The following PPP1R9A variants were observed in gnomAD, a reference collection of about 807,000 sequenced individuals.
PPP1R9A encodes protein phosphatase 1 regulatory subunit 9A.
A neutral mutation model predicts 141.9 loss-of-function variants in PPP1R9A; 59 were observed. That is an observed-to-expected ratio of 0.42 (90% confidence interval 0.34 to 0.52). The LOEUF is 0.52. Ranked by LOEUF, PPP1R9A falls within the 20% of genes least tolerant of loss-of-function variation. The probability of loss-of-function intolerance (pLI) is 0.10; values close to 1 mark genes in which losing one functional copy is unlikely to be tolerated. For synonymous variants in PPP1R9A, 500 were observed against 569.7 expected, an observed-to-expected ratio of 0.88 and a Z score of 1.74; for missense variants, 1,444 against 1,611.9, an observed-to-expected ratio of 0.90 and a Z score of 1.78.
intron 7 of PPP1R9A, among the ~76,000 whole-genome samples, chr7:95,217,947 G>C (rs1158744924): frequency 6.6e-6 from 1 of 152,014 alleles, no homozygotes; most frequent in African/African-American, 2.4e-5. Context: ...ATTTTTTGAA[G>C]GGTTTTTTGT....
rs187242445 is a variant in PPP1R9A, at chr7:95,016,940, G to A, written c.1396-94319G>A. Among the ~76,000 whole-genome samples, 32 of 152,256 alleles carry A rather than the reference G, an allele frequency of 2.1e-4. No homozygotes were observed. In the East Asian group the frequency reaches 6.0e-3, roughly 28 times the overall value. On this transcript the variant is annotated intron_variant, in intron 2 of 19. Transcript: ENST00000433360. ...CTTTGCAATGTAATCAAGTTAAAAT[G>A]AGGCCATGCTGATTTAGGGTGGGTC...
intron 2 of PPP1R9A, among the ~76,000 whole-genome samples, chr7:94,932,454 G>A (rs1794271505): frequency 6.6e-6 from 1 of 152,120 alleles, no homozygotes; most frequent in African/African-American, 2.4e-5. Context: ...TTATTTTGAG[G>A]TATGTATTCA....
chr7:94,977,907 C>T (rs954639889), intron 2 of PPP1R9A, among the ~76,000 whole-genome samples: 5 of 151,974 alleles, frequency 3.3e-5, no homozygotes, highest in East Asian at 1.9e-4. Flanking sequence ...GGACTACAGG[C>T]ACGTGCCACC....
intron 2 of PPP1R9A, among the ~76,000 whole-genome samples, chr7:95,031,604 A>C (rs900294218): frequency 1.3e-5 from 2 of 152,030 alleles, no homozygotes; most frequent in African/African-American, 4.8e-5. Flanking sequence ...AAAAATATCA[A>C]AATTAACTAG....
intron 7 of PPP1R9A, among the ~76,000 whole-genome samples, chr7:95,206,553 A>G (rs1195356173): frequency 1.3e-5 from 2 of 152,156 alleles, no homozygotes; most frequent in East Asian, 3.8e-4. Context: ...AAGATACAAG[A>G]CATTTTTATT....
chr7:95,105,725 A>G (rs1268797374), intron 2 of PPP1R9A, among the ~76,000 whole-genome samples: 1 of 152,236 alleles, frequency 6.6e-6, no homozygotes, highest in Non-Finnish European at 1.5e-5. Context: ...TAATAAAAAT[A>G]ATAGAACTAT....
chr7:95,255,701 C>T (rs1482948656), intron 12 of PPP1R9A, among the ~76,000 whole-genome samples: 1 of 151,982 alleles, frequency 6.6e-6, no homozygotes, highest in Non-Finnish European at 1.5e-5. Context: ...GTAAGCATCT[C>T]AAAAGATGAG....
At chr7:94,996,925 C>T (rs1386599381) in intron 2 of PPP1R9A, among the ~76,000 whole-genome samples, 2 of 151,850 alleles carry the variant, frequency 1.3e-5, no homozygotes, top group East Asian at 3.9e-4. Flanking sequence ...GCCCCAGCCG[C>T]CCAAGTAGCT....
At chr7:95,170,756 G>T (rs150852838) in intron 5 of PPP1R9A, among the ~76,000 whole-genome samples, 1 of 151,298 alleles carries the variant, frequency 6.6e-6, no homozygotes, top group African/African-American at 2.4e-5. Context: ...AATATAAAAC[G>T]AAATTCTAGA....
Position 95,269,092 on chromosome 7 carries a change from A to C in PPP1R9A, c.2824-115A>C, listed in dbSNP as rs568752282. 1.9e-4 allele frequency: 193 copies of C among 1,016,978 alleles called. 1 individual carries two copies. The highest frequency in any genetic ancestry group is 1.6e-3 in the African/African-American group (98 of 60,900). The allele number at this position is 1,016,978 out of a possible 1,614,324, so 63.0% of individuals were successfully genotyped here. On this transcript the variant is annotated intron_variant, in intron 13 of 19. Coordinates refer to ENST00000433360, the MANE Select transcript of PPP1R9A (RefSeq NM_001166160.2). Reference sequence around the variant, plus strand: ...ATGCATTCTCATCTGTAAATCAACAAAAACTGGTTTTCATGGGGATTCACT... The same window carrying C: ...ATGCATTCTCATCTGTAAATCAACACAAACTGGTTTTCATGGGGATTCACT...
chr7:95,205,946 T>A (rs1790699321), intron 7 of PPP1R9A, among the ~76,000 whole-genome samples: 1 of 152,046 alleles, frequency 6.6e-6, no homozygotes, highest in Non-Finnish European at 1.5e-5. Flanking sequence ...TAAACCACAA[T>A]CTTCTTCATG....
At chr7:95,015,926 G>T (rs901553328) in intron 2 of PPP1R9A, among the ~76,000 whole-genome samples, 2 of 152,006 alleles carry the variant, frequency 1.3e-5, no homozygotes, top group African/African-American at 4.8e-5. Context: ...GGTGGTGTGT[G>T]CCTGTAGGCC....
chr7:95,057,351 C>T (rs542566305), intron 2 of PPP1R9A, among the ~76,000 whole-genome samples: 12 of 152,048 alleles, frequency 7.9e-5, no homozygotes, highest in East Asian at 1.9e-4. Context: ...AAATTGTCTC[C>T]GTAGTAATTA....
At position 94,910,378 on chromosome 7, in the gene PPP1R9A, G is replaced by A; in HGVS notation, c.265G>A (p.Gly89Arg). 1 of 1,614,054 alleles carries A rather than the reference G, an allele frequency of 6.2e-7. No individual in the cohort carries two copies. The highest frequency in any genetic ancestry group is 8.5e-7 in the Non-Finnish European group (1 of 1,180,014). The change falls in exon 2 of 20, where the codon GGG becomes AGG. Residue 89 changes from glycine (G) to arginine (R), a missense_variant. By Grantham distance (125) the Gly-to-Arg change is moderately radical. Coordinates refer to ENST00000433360, the MANE Select transcript of PPP1R9A (RefSeq NM_001166160.2). This position sits in a 1 kb window ranked among gnomAD's most constrained non-coding sequence, Gnocchi z 4.5. ...TGCTGCAGTCATTGCCAAAACAAGG[G>A]GGAAAGGTGGACATTCATCTCCTCA... Reference protein sequence around the residue: ...ENAAVIAKTRGKGGHSSPQRR... With the variant: ...ENAAVIAKTRRKGGHSSPQRR...
intron 2 of PPP1R9A, among the ~76,000 whole-genome samples, chr7:94,933,538 G>C (rs1327028276): frequency 2.0e-5 from 3 of 152,098 alleles, no homozygotes; most frequent in African/African-American, 4.8e-5. Context: ...TCAATTACAT[G>C]CTTCTAGTGC....
At chr7:95,214,033 C>T (rs1792741038) in intron 7 of PPP1R9A, among the ~76,000 whole-genome samples, 1 of 152,214 alleles carries the variant, frequency 6.6e-6, no homozygotes, top group Non-Finnish European at 1.5e-5. Flanking sequence ...CCAATACACT[C>T]TTCAGAATCC....
At chr7:95,254,229 A>G (rs899750898) in intron 12 of PPP1R9A, among the ~76,000 whole-genome samples, 2 of 152,206 alleles carry the variant, frequency 1.3e-5, no homozygotes, top group African/African-American at 4.8e-5. Context: ...AGTAGCATAC[A>G]TATCAAGTGC....
At chr7:95,080,370 T>C (rs1430508878) in intron 2 of PPP1R9A, among the ~76,000 whole-genome samples, 2 of 151,914 alleles carry the variant, frequency 1.3e-5, no homozygotes, top group Non-Finnish European at 2.9e-5. Flanking sequence ...TACCTAGGAA[T>C]CCAACTTACA....
At chr7:95,227,144 C>T (rs10243325) in intron 8 of PPP1R9A, among the ~76,000 whole-genome samples, 88,269 of 151,920 alleles carry the variant, frequency 0.58, 25,846 homozygotes, top group South Asian at 0.64. Context: ...CCTTATTTGG[C>T]CAAAGAATAT....
Sources: gnomAD v4.1 joint callset for allele counts (sites outside exome capture counted in the v4.1 genomes callset) on GRCh38, gnomAD v4.1.1 for gene constraint, Gnocchi (gnomAD v3.1) non-coding constraint, MANE v1.5 for transcripts, NCBI Gene and HGNC (gene_info 2026-07-23, HGNC 2026-07-21) for gene names.